Variants in TCF12 observed in about 807,000 individuals in gnomAD.
The protein encoded by TCF12 is DNA-binding protein HTF4.
TCF12 carries 45 observed loss-of-function variants against 86.0 expected under a neutral mutation model. The observed-to-expected ratio is 0.52, with a 90% CI of 0.41 to 0.67. The LOEUF is 0.67. Among genes scored for constraint, TCF12 ranks in the 30% least tolerant of loss-of-function variants. The pLI, the probability that TCF12 is intolerant of heterozygous loss-of-function variation, is 0.00. For synonymous variants in TCF12, 330 were observed against 299.6 expected (o/e 1.10, Z -1.05); for missense variants, 881 against 859.9 (o/e 1.02, Z -0.31).
At chr15:57,266,533 G>GA (rs1597764648) in intron 18 of TCF12, among the ~76,000 whole-genome samples, 1 of 151,962 alleles carries the variant, frequency 6.6e-6, no homozygotes, top group East Asian at 1.9e-4. Context: ...TGGTCCTTCA[G>GA]AAAAAATGTT....
chr15:57,002,809 G>T (rs1048338373), intron 3 of TCF12, among the ~76,000 whole-genome samples: 5 of 152,200 alleles, frequency 3.3e-5, no homozygotes, highest in African/African-American at 1.2e-4. Context: ...CTGTACTACT[G>T]TAGCAGTTTG....
chr15:57,279,577 C>T (rs2061584081), intron 19 of TCF12, among the ~76,000 whole-genome samples: 1 of 152,104 alleles, frequency 6.6e-6, no homozygotes, highest in South Asian at 2.1e-4. Context: ...CTAGAGTCTG[C>T]CATAGTATTG....
At chr15:57,017,790 C>A (rs190941658) in intron 3 of TCF12, among the ~76,000 whole-genome samples, 100 of 145,048 alleles carry the variant, frequency 6.9e-4, no homozygotes, top group African/African-American at 2.4e-3. Context: ...TCATACCTTG[C>A]AATGAATTCC....
At chr15:56,963,175 G>T (rs2061848695) in intron 3 of TCF12, among the ~76,000 whole-genome samples, 1 of 151,202 alleles carries the variant, frequency 6.6e-6, no homozygotes, top group Admixed American at 6.6e-5. Flanking sequence ...TTATTGTCGT[G>T]GTATTTTGTG....
In TCF12 at chr15:57,232,420, A is replaced by T. The variant is rs1161384069; in HGVS notation, c.815A>T (p.His272Leu). Reference sequence around the variant, plus strand: ...AGTAGTTATGGCAACCTTCATTCACATGACCGCTTGGTAGGCTATAACACG... The same window carrying T: ...AGTAGTTATGGCAACCTTCATTCACTTGACCGCTTGGTAGGCTATAACACG... ...QSSSYGNLHS[H>L]DRLSYPPHSV... The change falls in exon 10 of 21, where the codon CAT (histidine) becomes CTT (leucine). Residue 272 changes from histidine (H) to leucine (L), a missense_variant. Coordinates refer to ENST00000333725, the MANE Select transcript of TCF12 (RefSeq NM_207037.2). 3.1e-6 allele frequency: 5 copies of T among 1,606,968 alleles called. No homozygotes were observed. In the East Asian group the frequency reaches 8.9e-5, roughly 29 times the overall value.
chr15:57,257,875 T>C (rs1312461401), intron 16 of TCF12, among the ~76,000 whole-genome samples: 1 of 151,906 alleles, frequency 6.6e-6, no homozygotes, highest in Non-Finnish European at 1.5e-5. Flanking sequence ...AAATCAAGAG[T>C]TTTTAGAACT....
intron 3 of TCF12, among the ~76,000 whole-genome samples, chr15:57,017,896 CATAAT>C (rs1370100428): frequency 6.6e-6 from 1 of 152,052 alleles, no homozygotes; most frequent in Non-Finnish European, 1.5e-5. Flanking sequence ...GGGATTGTCA[CATAAT>C]ATAATCTGGG....
chr15:57,001,422 C>A (rs141170798), intron 3 of TCF12: 2 of 178,974 alleles, frequency 1.1e-5, no homozygotes, highest in African/African-American at 4.7e-5. Flanking sequence ...CTTCTACTTA[C>A]ACCACATTAT....
intron 18 of TCF12, among the ~76,000 whole-genome samples, chr15:57,266,667 A>G (rs1043502351): frequency 6.6e-6 from 1 of 152,228 alleles, no homozygotes; most frequent in Non-Finnish European, 1.5e-5. Context: ...AAGTATGAAT[A>G]TAGACACATA....
intron 3 of TCF12, among the ~76,000 whole-genome samples, chr15:57,055,274 C>T (rs2067925595): frequency 1.3e-5 from 2 of 152,044 alleles, no homozygotes; most frequent in African/African-American, 2.4e-5. Context: ...TGGTGGCGCA[C>T]GCCGGTAATC....
intron 5 of TCF12, among the ~76,000 whole-genome samples, chr15:57,126,352 TAA>T (rs1279208343): frequency 1.3e-5 from 2 of 152,174 alleles, no homozygotes. Context: ...ATCATCCTTA[TAA>T]AGTTATTAGC....
intron 8 of TCF12, among the ~76,000 whole-genome samples, chr15:57,227,292 G>A (rs1335148163): frequency 6.6e-6 from 1 of 152,120 alleles, no homozygotes; most frequent in African/African-American, 2.4e-5. Flanking sequence ...TGTTTCCAGT[G>A]TTAATTACAG....
At chr15:57,245,883 A>G (rs1384188392) in intron 13 of TCF12, among the ~76,000 whole-genome samples, 5 of 152,170 alleles carry the variant, frequency 3.3e-5, no homozygotes, top group African/African-American at 1.2e-4. Context: ...GACTGATTTT[A>G]GGCAGGTGCA....
intron 8 of TCF12, among the ~76,000 whole-genome samples, chr15:57,216,443 T>G (rs1044949323): frequency 1.3e-5 from 2 of 152,016 alleles, no homozygotes; most frequent in East Asian, 1.9e-4. Flanking sequence ...AAAAAGTGCA[T>G]GACAGTTCAG....
intron 5 of TCF12, among the ~76,000 whole-genome samples, chr15:57,098,001 C>CA (rs2049448225): frequency 1.3e-4 from 1 of 7,618 alleles, no homozygotes; most frequent in Non-Finnish European, 2.5e-4. Flanking sequence ...ACTAAAAATA[C>CA]AAAAATACAA....
At chr15:57,100,718 TC>T (rs1395348249) in intron 5 of TCF12, among the ~76,000 whole-genome samples, 1 of 152,176 alleles carries the variant, frequency 6.6e-6, no homozygotes, top group Non-Finnish European at 1.5e-5. Context: ...GGGGAGGTAT[TC>T]CTGGTACTTA....
chr15:57,219,568 T>C, intron 8 of TCF12: 2 of 1,613,704 alleles, frequency 1.2e-6, no homozygotes, highest in Non-Finnish European at 1.7e-6. Context: ...AATTCTTTGA[T>C]GTATTACTAC....
At chr15:57,101,738 C>T (rs1456127338) in intron 5 of TCF12, among the ~76,000 whole-genome samples, 7 of 152,084 alleles carry the variant, frequency 4.6e-5, no homozygotes, top group Admixed American at 3.9e-4. Flanking sequence ...TCTTGTGTTA[C>T]GTATTTGTTT....
chr15:56,925,606 G>C (rs1189924830), intron 3 of TCF12, among the ~76,000 whole-genome samples: 1 of 152,202 alleles, frequency 6.6e-6, no homozygotes, highest in Admixed American at 6.5e-5. Context: ...TTCCTGGAAT[G>C]TCATTGTCTG....
Sources: allele counts gnomAD v4.1 joint callset (sites outside exome capture counted in the v4.1 genomes callset), GRCh38; gene constraint gnomAD v4.1.1; transcripts MANE v1.5; gene names NCBI Gene and HGNC (gene_info 2026-07-23, HGNC 2026-07-21).